Variants in ZNF804B observed in about 807,000 individuals in gnomAD.
ZNF804B encodes zinc finger protein 804B, also known as zinc finger 804B.
Under a neutral mutation model 101.4 loss-of-function variants are expected in ZNF804B, and 80 were observed. The ratio of observed to expected loss-of-function variants is 0.79; its 90% CI spans 0.66 to 0.95. ZNF804B has a LOEUF of 0.95. Among genes scored for constraint, ZNF804B ranks in the 40% least tolerant of loss-of-function variants. ZNF804B has a pLI of 0.00. For synonymous variants in ZNF804B, 622 were observed against 558.8 expected (o/e 1.11, Z -1.59); for missense variants, 1,673 against 1,561.9 (o/e 1.07, Z -1.20).
chr7:89,101,776 G>A (rs1414309484), intron 1 of ZNF804B, among the ~76,000 whole-genome samples: 1 of 151,912 alleles, frequency 6.6e-6, no homozygotes, highest in Non-Finnish European at 1.5e-5. Flanking sequence ...ATGCTTAATG[G>A]TAGGGATTGG....
chr7:89,336,429 A>G lies in ZNF804B; in HGVS notation c.3447A>G (p.Thr1149=), dbSNP rs111540405. 56 of 1,614,052 alleles carry G rather than the reference A, an allele frequency of 3.5e-5. No homozygotes were observed. Among genetic ancestry groups the G allele is most frequent in the Middle Eastern group, 3.3e-4 (2 of 6,062 alleles). The change falls in exon 4 of 4, where the codon ACA becomes ACG. Residue 1149 remains threonine (T), a synonymous_variant. Transcript: ENST00000333190. ...ISPPLIQQPI[T]FSPDEIDKYK... ...CCCCTTTAATTCAACAGCCCATAAC[A>G]TTTTCTCCTGACGAAATAGATAAAT...
chr7:89,291,482 TAATG>T (rs1336107077), intron 2 of ZNF804B, among the ~76,000 whole-genome samples: 1 of 152,114 alleles, frequency 6.6e-6, no homozygotes, highest in Non-Finnish European at 1.5e-5. Context: ...AAAATGCAAT[TAATG>T]TACTGAAGAA....
At chr7:89,185,524 C>T (rs549069879) in intron 1 of ZNF804B, among the ~76,000 whole-genome samples, 1 of 152,182 alleles carries the variant, frequency 6.6e-6, no homozygotes, top group African/African-American at 2.4e-5. Flanking sequence ...AGAGAAAGTT[C>T]GTCTTCAAGT....
rs542956986 is a variant in ZNF804B at position 89,094,437 on chromosome 7, G to A, written c.109-123718G>A. On this transcript the variant is annotated intron_variant, in intron 1 of 3. Coordinates refer to ENST00000333190, the MANE Select transcript of ZNF804B (RefSeq NM_181646.5). ...TGCTGAGAAAGTCTACCTTTCTTAC[G>A]CCTACTAAACATTGAATTGTCTGCT... is the stretch of plus-strand genomic sequence containing the variant. 1.0e-3 allele frequency among the ~76,000 whole-genome samples: 156 copies of A among 151,940 alleles called. 1 individual carries two copies. The highest frequency in any genetic ancestry group is 3.5e-3 in the African/African-American group (146 of 41,422).
intron 1 of ZNF804B, among the ~76,000 whole-genome samples, chr7:88,788,648 A>G (rs778589625): frequency 2.0e-5 from 3 of 152,250 alleles, no homozygotes; most frequent in East Asian, 1.9e-4. Flanking sequence ...TTACCATTGT[A>G]TCTTCAGGGT....
At chr7:89,327,980 T>C (rs888356982) in intron 3 of ZNF804B, among the ~76,000 whole-genome samples, 5 of 151,998 alleles carry the variant, frequency 3.3e-5, no homozygotes, top group Non-Finnish European at 5.9e-5. Context: ...ACAAGTTTTA[T>C]ACTAATACAT....
At chr7:88,860,104 A>G (rs967643087) in intron 1 of ZNF804B, among the ~76,000 whole-genome samples, 2 of 152,018 alleles carry the variant, frequency 1.3e-5, no homozygotes, top group African/African-American at 2.4e-5. Context: ...TTCAGATATA[A>G]TTAAGAACTC....
intron 1 of ZNF804B, among the ~76,000 whole-genome samples, chr7:88,850,999 A>C (rs570801579): frequency 6.6e-5 from 10 of 152,244 alleles, no homozygotes; most frequent in African/African-American, 2.2e-4. Flanking sequence ...TCAGTGTCTG[A>C]GATGAAAAAT....
chr7:89,014,761 T>C (rs1002893159), intron 1 of ZNF804B, among the ~76,000 whole-genome samples: 1 of 152,248 alleles, frequency 6.6e-6, no homozygotes, highest in Non-Finnish European at 1.5e-5. Context: ...TTAATGTTCA[T>C]CAGAAGAATA....
intron 1 of ZNF804B, among the ~76,000 whole-genome samples, chr7:88,985,416 A>G (rs1793745311): frequency 6.6e-6 from 1 of 151,998 alleles, no homozygotes; most frequent in African/African-American, 2.4e-5. Context: ...CATGGACTCT[A>G]GTTGTTAGTT....
chr7:89,297,600 T>C (rs1343797628), intron 2 of ZNF804B, among the ~76,000 whole-genome samples: 3 of 152,016 alleles, frequency 2.0e-5, no homozygotes, highest in Non-Finnish European at 4.4e-5. Flanking sequence ...TATCACTTTA[T>C]TTGGGGGTAG....
intron 1 of ZNF804B, among the ~76,000 whole-genome samples, chr7:88,834,851 C>T (rs1030886342): frequency 2.0e-5 from 3 of 151,642 alleles, no homozygotes; most frequent in Admixed American, 1.3e-4. Context: ...AAAAATAATA[C>T]ATTCTTAATA....
intron 1 of ZNF804B, among the ~76,000 whole-genome samples, chr7:88,803,301 T>C (rs542006654): frequency 3.3e-5 from 5 of 152,134 alleles, no homozygotes; most frequent in African/African-American, 4.8e-5. Flanking sequence ...ATGAACCAAA[T>C]TGAACAAAGA....
intron 2 of ZNF804B, among the ~76,000 whole-genome samples, chr7:89,267,367 GAC>G (rs149508994): frequency 1.1e-4 from 17 of 152,204 alleles, no homozygotes; most frequent in African/African-American, 4.1e-4. Context: ...GGTTGCAAGT[GAC>G]AAATCAAATT....
At chr7:88,880,936 T>A (rs540597306) in intron 1 of ZNF804B, among the ~76,000 whole-genome samples, 1 of 152,162 alleles carries the variant, frequency 6.6e-6, no homozygotes, top group South Asian at 2.1e-4. Flanking sequence ...TTTAGTGAGG[T>A]AGATAATAGA....
intron 2 of ZNF804B, among the ~76,000 whole-genome samples, chr7:89,312,919 G>A (rs1484967818): frequency 2.0e-5 from 3 of 151,950 alleles, no homozygotes; most frequent in Admixed American, 2.0e-4. Flanking sequence ...CTTTTTAATA[G>A]AATTTAATTA....
At chr7:88,973,857 G>C (rs555483337) in intron 1 of ZNF804B, among the ~76,000 whole-genome samples, 3 of 151,392 alleles carry the variant, frequency 2.0e-5, no homozygotes, top group Admixed American at 6.6e-5. Context: ...ACAAGAATTC[G>C]TAAGATGCCA....
At chr7:88,897,301 G>T (rs1792305585) in intron 1 of ZNF804B, among the ~76,000 whole-genome samples, 1 of 152,156 alleles carries the variant, frequency 6.6e-6, no homozygotes, top group Non-Finnish European at 1.5e-5. Flanking sequence ...TGTCACAGAT[G>T]TCTTTGGCAA....
chr7:89,125,312 A>G lies in ZNF804B; in HGVS notation c.109-92843A>G, dbSNP rs200896062. ...CATGAATATACTCTATCATGAAGATATAGATATTGATATGAATGTATATAT... is the reference window on the plus strand; with the variant it reads ...CATGAATATACTCTATCATGAAGATGTAGATATTGATATGAATGTATATAT... On this transcript the variant is annotated intron_variant, in intron 1 of 3. Coordinates refer to ENST00000333190, the MANE Select transcript of ZNF804B (RefSeq NM_181646.5). Among the ~76,000 whole-genome samples, 529 of 100,724 alleles carry G rather than the reference A, an allele frequency of 5.3e-3. 2 individuals are homozygous for G. The highest frequency in any genetic ancestry group is 0.025 in the African/African-American group (499 of 19,748). The allele number at this position is 100,724 out of a possible 152,430, so 66.1% of individuals were successfully genotyped here.
Sources: gnomAD v4.1 joint callset for allele counts (sites outside exome capture counted in the v4.1 genomes callset) on GRCh38, gnomAD v4.1.1 for gene constraint, MANE v1.5 for transcripts, NCBI Gene and HGNC (gene_info 2026-07-23, HGNC 2026-07-21) for gene names.